CAMSAP2: variants seen among roughly 807,000 people sequenced by gnomAD.
CAMSAP2 encodes calmodulin-regulated spectrin-associated protein 2.
Under a neutral mutation model 146.1 loss-of-function variants are expected in CAMSAP2, and 26 were observed. The ratio of observed to expected loss-of-function variants is 0.18; its 90% CI spans 0.13 to 0.25. The LOEUF is 0.25. Among genes scored for constraint, CAMSAP2 ranks in the 10% least tolerant of loss-of-function variants. The pLI is 1.00. For synonymous variants in CAMSAP2, 499 were observed against 596.6 expected (o/e 0.84, Z 2.38); for missense variants, 1,381 against 1,759.3 (o/e 0.78, Z 3.85).
intron 2 of CAMSAP2, among the ~76,000 whole-genome samples, chr1:200,768,856 G>A (rs1285398782): frequency 1.3e-5 from 2 of 152,188 alleles, no homozygotes; most frequent in East Asian, 3.9e-4. Context: ...GTTTCACCAT[G>A]TTAGCCAGGA....
At chr1:200,844,119 C>T (rs1386436527) in intron 7 of CAMSAP2, among the ~76,000 whole-genome samples, 2 of 151,986 alleles carry the variant, frequency 1.3e-5, no homozygotes, top group African/African-American at 4.8e-5. Flanking sequence ...GATCCACCGG[C>T]CTCAGCCTCC....
intron 7 of CAMSAP2, among the ~76,000 whole-genome samples, chr1:200,844,088 G>A (rs549406448): frequency 1.1e-4 from 16 of 151,912 alleles, no homozygotes; most frequent in African/African-American, 3.4e-4. Flanking sequence ...AGCCAGGATG[G>A]TCTCAATCTC....
chr1:200,787,031 G>A, intron 2 of CAMSAP2, among the ~76,000 whole-genome samples: 1 of 150,526 alleles, frequency 6.6e-6, no homozygotes, highest in East Asian at 1.9e-4. Flanking sequence ...AAAAAAAAAA[G>A]ATTCCTTTCA....
chr1:200,810,906 C>G (rs1024093245), intron 3 of CAMSAP2, among the ~76,000 whole-genome samples: 2 of 151,986 alleles, frequency 1.3e-5, no homozygotes, highest in Non-Finnish European at 2.9e-5. Flanking sequence ...AACCAAAAAA[C>G]AGACTTGCTC....
At chr1:200,818,895 G>A (rs896824045) in intron 4 of CAMSAP2, among the ~76,000 whole-genome samples, 9 of 152,144 alleles carry the variant, frequency 5.9e-5, no homozygotes, top group African/African-American at 1.9e-4. Flanking sequence ...CTAGTGAGGC[G>A]TACTCAGGAG....
intron 4 of CAMSAP2, among the ~76,000 whole-genome samples, chr1:200,817,165 C>CGTGTGTGTATATACACACACACATATAA (rs1666596221): frequency 1.5e-5 from 1 of 68,044 alleles, no homozygotes; most frequent in Non-Finnish European, 2.6e-5. Flanking sequence ...CATACACACA[C>CGTGTGTGTATATACACACACACATATAA]GTGTGTGTAT....
intron 2 of CAMSAP2, among the ~76,000 whole-genome samples, chr1:200,806,146 A>G (rs1437613441): frequency 6.6e-6 from 1 of 152,238 alleles, no homozygotes; most frequent in Non-Finnish European, 1.5e-5. Context: ...AAGGTACCCT[A>G]AAGTTGAAAG....
intron 2 of CAMSAP2, among the ~76,000 whole-genome samples, chr1:200,772,612 A>G (rs1416869908): frequency 6.6e-6 from 1 of 152,146 alleles, no homozygotes; most frequent in Non-Finnish European, 1.5e-5. Flanking sequence ...ATGTCTCAAA[A>G]AAATAAATAA....
intron 4 of CAMSAP2, among the ~76,000 whole-genome samples, chr1:200,828,884 G>A (rs1666971421): frequency 6.6e-6 from 1 of 151,968 alleles, no homozygotes; most frequent in Non-Finnish European, 1.5e-5. Context: ...TGGGCCAGGT[G>A]CGGTGGCTCA....
chr1:200,796,173 A>G (rs1665878773), intron 2 of CAMSAP2, among the ~76,000 whole-genome samples: 1 of 152,218 alleles, frequency 6.6e-6, no homozygotes, highest in Non-Finnish European at 1.5e-5. Flanking sequence ...CAGATTGGGT[A>G]TAACAGCAGT....
At chr1:200,835,928 C>T (rs548843862) in intron 6 of CAMSAP2, among the ~76,000 whole-genome samples, 135 of 152,162 alleles carry the variant, frequency 8.9e-4, no homozygotes, top group Non-Finnish European at 1.1e-3. Context: ...AATATACAGT[C>T]CTGATGTTTA....
rs1667797363 is a variant in CAMSAP2 at position 200,858,296 on chromosome 1, T to C, written c.*237T>C. The C allele has an allele frequency of 2.4e-6, 1 of 415,406 alleles. No individual in the cohort carries two copies. Among genetic ancestry groups the C allele is most frequent in the Non-Finnish European group, 4.2e-6 (1 of 236,702 alleles). The allele number at this position is 415,406 out of a possible 1,614,324, so 25.7% of individuals were successfully genotyped here. On this transcript the variant is annotated 3_prime_UTR_variant, in exon 17 of 17. Transcript: ENST00000358823. ...GTTTTAATTCACAAATGGAGATTTG[T>C]ATGTGTTATCAGGTTCACCTGCTTG...
At chr1:200,794,107 A>G (rs377424847) in intron 2 of CAMSAP2, among the ~76,000 whole-genome samples, 3 of 152,230 alleles carry the variant, frequency 2.0e-5, no homozygotes, top group Admixed American at 6.5e-5. Flanking sequence ...ATAATGATGC[A>G]TGTATAAGAT....
intron 1 of CAMSAP2, among the ~76,000 whole-genome samples, chr1:200,753,920 G>T (rs1318307334): frequency 2.0e-5 from 3 of 152,154 alleles, no homozygotes; most frequent in Non-Finnish European, 4.4e-5. Context: ...TGCCTGAGAG[G>T]TACCCAGAGA....
intron 11 of CAMSAP2, 138 bp from the exon 12 acceptor site, chr1:200,852,403 C>A (rs1667644282): frequency 1.2e-6 from 1 of 861,196 alleles, no homozygotes. Context: ...AATTTCTCAA[C>A]CACACCCACA....
intron 1 of CAMSAP2, among the ~76,000 whole-genome samples, chr1:200,755,124 C>G (rs985064316): frequency 6.6e-6 from 1 of 152,166 alleles, no homozygotes; most frequent in Admixed American, 6.5e-5. Flanking sequence ...CTTATACTTT[C>G]CCTGCTCCAG....
At chr1:200,771,903 T>G (rs1490236232) in intron 2 of CAMSAP2, among the ~76,000 whole-genome samples, 1 of 152,204 alleles carries the variant, frequency 6.6e-6, no homozygotes, top group African/African-American at 2.4e-5. Flanking sequence ...GTGAACTACT[T>G]TAGTGTTCCC....
At chr1:200,749,466 T>C (rs1664439251) in intron 1 of CAMSAP2, among the ~76,000 whole-genome samples, 1 of 152,244 alleles carries the variant, frequency 6.6e-6, no homozygotes, top group Non-Finnish European at 1.5e-5. Context: ...GCATATTTAC[T>C]CTGTCATGAA....
intron 1 of CAMSAP2, among the ~76,000 whole-genome samples, chr1:200,755,781 C>T (rs1664630583): frequency 6.6e-6 from 1 of 152,024 alleles, no homozygotes; most frequent in Admixed American, 6.6e-5. Flanking sequence ...CCTTCAGGTA[C>T]CTTATAGTGA....
Sources: allele counts gnomAD v4.1 joint callset (sites outside exome capture counted in the v4.1 genomes callset), GRCh38; gene constraint gnomAD v4.1.1; transcripts MANE v1.5; gene names NCBI Gene and HGNC (gene_info 2026-07-23, HGNC 2026-07-21).